CPM: variants seen among roughly 807,000 people sequenced by gnomAD.
CPM encodes carboxypeptidase M.
CPM carries 35 observed loss-of-function variants against 46.4 expected under a neutral mutation model. The ratio of observed to expected loss-of-function variants is 0.75; its 90% CI spans 0.58 to 1.00. CPM has a LOEUF of 1.00. CPM is among the 50% of genes least tolerant of loss of function. CPM has a pLI of 0.00. For missense variants in CPM, 422 were observed against 530.4 expected, an observed-to-expected ratio of 0.80 and a Z score of 2.01; for synonymous variants, 195 against 195.3, an observed-to-expected ratio of 1.00 and a Z score of 0.01.
At chr12:68,844,428 C>T (rs902129341) in intron 5 of CPM, 1 of 227,970 alleles carries the variant, frequency 4.4e-6, no homozygotes, top group Admixed American at 5.7e-5. Flanking sequence ...GCTGTGTTCT[C>T]CCTGTCTTCT....
chr12:68,861,320 A>G (rs1259037213), intron 7 of CPM, among the ~76,000 whole-genome samples: 1 of 152,186 alleles, frequency 6.6e-6, no homozygotes, highest in Non-Finnish European at 1.5e-5. Flanking sequence ...GAAGCTATGC[A>G]TATTATTTCC....
chr12:68,957,442 G>C (rs1225939259), intron 1 of CPM: 3 of 268,774 alleles, frequency 1.1e-5, no homozygotes, highest in African/African-American at 6.8e-5. Flanking sequence ...TGAGCTCCCT[G>C]TCTTAAGAAT....
At chr12:68,881,665 T>C (rs1886194598) in intron 3 of CPM, among the ~76,000 whole-genome samples, 1 of 152,142 alleles carries the variant, frequency 6.6e-6, no homozygotes, top group African/African-American at 2.4e-5. Flanking sequence ...GGTCAGTATA[T>C]AATGTTTTGT....
intron 6 of CPM, among the ~76,000 whole-genome samples, chr12:68,868,450 C>T (rs931636929): frequency 3.3e-5 from 5 of 152,070 alleles, no homozygotes; most frequent in South Asian, 2.1e-4. Context: ...AAATGCATGC[C>T]GCAACTTGCT....
chr12:68,914,015 C>A (rs964621381), intron 2 of CPM: 1 of 713,960 alleles, frequency 1.4e-6, no homozygotes, highest in Non-Finnish European at 2.7e-6. Flanking sequence ...TCAAGGACTG[C>A]GGCCTCTTCA....
intron 2 of CPM, among the ~76,000 whole-genome samples, chr12:68,919,003 CT>C (rs1887927420): frequency 6.6e-6 from 1 of 152,234 alleles, no homozygotes; most frequent in Non-Finnish European, 1.5e-5. Context: ...TCAAAGACCA[CT>C]TTCCCCTTGC....
chr12:68,873,898 T>A (rs1273929507), intron 3 of CPM, among the ~76,000 whole-genome samples: 2 of 151,860 alleles, frequency 1.3e-5, no homozygotes, highest in Non-Finnish European at 2.9e-5. Context: ...CTCCGTCTCC[T>A]GGATTCAAGC....
intron 1 of CPM, chr12:68,957,388 C>A: frequency 4.0e-6 from 1 of 251,286 alleles, no homozygotes; most frequent in Non-Finnish European, 8.3e-6. Context: ...AAGGGGGCAC[C>A]ATACTGTTCC....
At chr12:68,953,711 C>T (rs540983869) in intron 1 of CPM, among the ~76,000 whole-genome samples, 25 of 152,342 alleles carry the variant, frequency 1.6e-4, no homozygotes, top group Admixed American at 1.6e-3. Flanking sequence ...ACTTGTGACT[C>T]ATCTGTGTGT....
rs755135734 is a variant in CPM at position 68,871,957 on chromosome 12, C to T, written c.259-1G>A. The T allele has an allele frequency of 6.2e-7, 1 of 1,613,970 alleles. No individual in the cohort carries two copies. The highest frequency in any genetic ancestry group is 8.5e-7 in the Non-Finnish European group (1 of 1,180,002). ...GGAGCAGCAGCTCCCGCCCAACAGT[C>T]TATATGTGTTAAAGAGAAAAGAGGA... is the stretch of plus-strand genomic sequence containing the variant. On this transcript the variant is annotated splice_acceptor_variant, in intron 3 of 8. Transcript: ENST00000551568. LOFTEE classifies it high-confidence loss of function.
At chr12:68,908,685 G>A (rs180890092) in intron 2 of CPM, among the ~76,000 whole-genome samples, 46 of 152,204 alleles carry the variant, frequency 3.0e-4, no homozygotes, top group African/African-American at 9.2e-4. Flanking sequence ...TATTGAAAAG[G>A]GTATAGAATA....
chr12:68,865,603 AACACCCACACACACCC>A (rs1239167283), intron 7 of CPM, among the ~76,000 whole-genome samples: 3 of 151,780 alleles, frequency 2.0e-5, no homozygotes, highest in African/African-American at 7.3e-5. Flanking sequence ...AAACCTTTTC[AACACCCACACACACCC>A]ACACACACAC....
chr12:68,871,837 G>T lies in CPM; in HGVS notation c.378C>A (p.Asn126Lys). ...STRIHIMPSM[N>K]PDGFEAVKKP... ...TTTTGACGGCTTCAAATCCATCTGG[G>T]TTCATGGAAGGCATGATGTGTATCC... Residue 126 changes from asparagine to lysine, a missense_variant, in exon 4 of 9, where the codon AAC (asparagine) becomes AAA (lysine). Coordinates refer to ENST00000551568, the MANE Select transcript of CPM (RefSeq NM_198320.5). 1 of 1,614,166 alleles carries T rather than the reference G, an allele frequency of 6.2e-7. No individual in the cohort carries two copies. The highest frequency in any genetic ancestry group is 1.1e-5 in the South Asian group (1 of 91,086).
intron 3 of CPM, among the ~76,000 whole-genome samples, chr12:68,882,493 T>C (rs1164994592): frequency 2.6e-5 from 4 of 152,212 alleles, no homozygotes; most frequent in Non-Finnish European, 4.4e-5. Context: ...ACTAACCCTA[T>C]GTCTTTGCTA....
chr12:68,931,763 A>AAAAAAAAAAAAAAAAAAAAAAAG (rs1482981614), intron 2 of CPM, among the ~76,000 whole-genome samples: 1 of 132,506 alleles, frequency 7.5e-6, no homozygotes, highest in Non-Finnish European at 1.6e-5. Context: ...AAAAAAAAAA[A>AAAAAAAAAAAAAAAAAAAAAAAG]AAAGAAAGAA....
rs1419725784 is a variant in CPM, at chr12:68,873,853, T to C, written c.259-1897A>G. Among the ~76,000 whole-genome samples, 3 of 152,048 alleles carry C rather than the reference T, an allele frequency of 2.0e-5. No individual in the cohort carries two copies. The East Asian group carries it at 5.8e-4, about 30-fold the overall frequency. On this transcript the variant is annotated intron_variant, in intron 3 of 8. Transcript: ENST00000551568. ...CAGAGTCTCACTCTGTCACCCAGGC[T>C]AGAGTGCAGTGGCACCATGTTGGCT...
At chr12:68,885,085 AG>A (rs1262711487) in intron 3 of CPM, among the ~76,000 whole-genome samples, 1 of 152,142 alleles carries the variant, frequency 6.6e-6, no homozygotes, top group Non-Finnish European at 1.5e-5. Context: ...CTGAGATTAC[AG>A]GTATGCGCCA....
At chr12:68,858,113 T>C (rs1394053054) in intron 8 of CPM, among the ~76,000 whole-genome samples, 2 of 152,218 alleles carry the variant, frequency 1.3e-5, no homozygotes, top group African/African-American at 4.8e-5. Context: ...GTCCTCAAGA[T>C]GAAATAATAA....
downstream of CPM, chr12:68,847,196 T>TTTTATATATATATATATATATATA (rs1884365281): frequency 2.1e-4 from 19 of 92,058 alleles, no homozygotes; most frequent in Admixed American, 7.9e-4. Context: ...TGTGTGTACA[T>TTTTATATATATATATATATATATA]TATATATATA....
Sources: allele counts gnomAD v4.1 joint callset (sites outside exome capture counted in the v4.1 genomes callset), GRCh38; gene constraint gnomAD v4.1.1; transcripts MANE v1.5; gene names NCBI Gene and HGNC (gene_info 2026-07-23, HGNC 2026-07-21).